The following JAM3 variants were observed in gnomAD, a reference collection of about 807,000 sequenced individuals.
The protein encoded by JAM3 is junctional adhesion molecule C.
In JAM3, 31 loss-of-function variants were observed where a neutral mutation model predicts 39.4. That is an observed-to-expected ratio of 0.79 (90% CI 0.59 to 1.06). JAM3 has a LOEUF of 1.06. JAM3 is among the 50% of genes least tolerant of loss of function. The pLI is 0.00. For synonymous variants in JAM3, 182 were observed against 148.7 expected, an observed-to-expected ratio of 1.22 and a Z score of -1.63; for missense variants, 455 against 391.4, an observed-to-expected ratio of 1.16 and a Z score of -1.37.
Position 134,140,718 on chromosome 11 carries a change from G to T in JAM3, c.204G>T (p.Lys68Asn). The T allele has an allele frequency of 6.2e-7, 1 of 1,613,712 alleles. No individual in the cohort carries two copies. The highest frequency in any genetic ancestry group is 1.1e-5 in the South Asian group (1 of 91,054). The change falls in exon 3 of 9, where the codon AAG (lysine) becomes AAT (asparagine). Residue 68 changes from lysine to asparagine, a missense_variant. Coordinates refer to ENST00000299106, the MANE Select transcript of JAM3 (RefSeq NM_032801.5). ...CAAGTGACCCCAGGATCGAGTGGAA[G>T]AAAATTCAAGATGAACAAACCACAT... ...SQTSDPRIEW[K>N]KIQDEQTTYV... is the part of the protein sequence containing the mutation.
intron 1 of JAM3, among the ~76,000 whole-genome samples, chr11:134,075,287 G>T (rs1204880610): frequency 6.6e-6 from 1 of 152,102 alleles, no homozygotes; most frequent in East Asian, 1.9e-4. Flanking sequence ...AAAAGGAGCT[G>T]GACTTGTACA....
intron 1 of JAM3, 86 bp downstream of exon 1, chr11:134,069,245 G>A (rs748292767): frequency 1.3e-6 from 2 of 1,527,104 alleles, no homozygotes; most frequent in East Asian, 2.4e-5. Context: ...AGCCGGTCCG[G>A]GCGAGGATAG....
intron 1 of JAM3, among the ~76,000 whole-genome samples, chr11:134,134,398 C>CAAAAAAAAAAAAAAAAAAAAAAA (rs34729848): frequency 3.8e-4 from 12 of 31,922 alleles, no homozygotes; most frequent in African/African-American, 6.3e-4. Flanking sequence ...GGATAAATGC[C>CAAAAAAAAAAAAAAAAAAAAAAA]AAAAAAAAAA....
intron 1 of JAM3, among the ~76,000 whole-genome samples, chr11:134,105,362 TAAG>T (rs1942163826): frequency 6.6e-6 from 1 of 152,118 alleles, no homozygotes. Flanking sequence ...CTCAAAATAA[TAAG>T]AGTTATTTAT....
Position 134,151,844 on chromosome 11 carries a change from T to TATCA in JAM3, c.*2668_*2671dup, listed in dbSNP as rs10665918. The TATCA allele has an allele frequency of 0.3, 45,179 of 151,858 alleles. 7,902 individuals are homozygous for TATCA. The highest frequency in any genetic ancestry group is 0.59 in the East Asian group (3,009 of 5,110). The allele number at this position is 151,858 out of a possible 1,614,324, so 9.4% of individuals were successfully genotyped here. On this transcript the variant is annotated 3_prime_UTR_variant, in exon 9 of 9. Transcript: ENST00000299106. The stretch of plus-strand genomic sequence containing the variant: ...GGTTAGGCATGCACACTAAAAATGC[T>TATCA]ATCAATCACCCATCCACCAGGGAAG...
intron 1 of JAM3, among the ~76,000 whole-genome samples, chr11:134,133,201 G>A (rs981082698): frequency 1.3e-5 from 2 of 152,206 alleles, no homozygotes; most frequent in Admixed American, 6.5e-5. Context: ...TGTGGAATAT[G>A]TAGGGTTTTC....
At chr11:134,104,481 A>T (rs1942142024) in intron 1 of JAM3, among the ~76,000 whole-genome samples, 1 of 152,224 alleles carries the variant, frequency 6.6e-6, no homozygotes, top group African/African-American at 2.4e-5. Context: ...TTCAAAAGCT[A>T]GCAGAAGGCA....
intron 1 of JAM3, among the ~76,000 whole-genome samples, chr11:134,132,427 G>GAGAC (rs1942786857): frequency 6.6e-6 from 1 of 152,110 alleles, no homozygotes. Context: ...ATATGAAAGG[G>GAGAC]AGACCCGCAG....
intron 1 of JAM3, among the ~76,000 whole-genome samples, chr11:134,103,559 C>T (rs12277151): frequency 0.067 from 10,154 of 152,248 alleles, 365 homozygotes; most frequent in Middle Eastern, 0.1. Flanking sequence ...TTAAAAGACA[C>T]AGTCTGGCAA....
chr11:134,099,764 G>T (rs529657881), intron 1 of JAM3, among the ~76,000 whole-genome samples: 3 of 152,050 alleles, frequency 2.0e-5, no homozygotes, highest in Admixed American at 6.6e-5. Flanking sequence ...GCGCCACCAC[G>T]CCTGGCTAAT....
intron 1 of JAM3, among the ~76,000 whole-genome samples, chr11:134,112,679 C>G (rs1357972009): frequency 6.6e-6 from 1 of 152,118 alleles, no homozygotes; most frequent in Non-Finnish European, 1.5e-5. Flanking sequence ...CAATTATAGA[C>G]AAGGAAACTC....
intron 1 of JAM3, among the ~76,000 whole-genome samples, chr11:134,092,899 C>G (rs1941897693): frequency 6.7e-6 from 1 of 148,292 alleles, no homozygotes; most frequent in South Asian, 2.2e-4. Flanking sequence ...CTGAACCCTC[C>G]TTATTCATCA....
At chr11:134,071,450 CTA>C (rs1244686714) in intron 1 of JAM3, among the ~76,000 whole-genome samples, 7 of 152,210 alleles carry the variant, frequency 4.6e-5, no homozygotes, top group African/African-American at 9.6e-5. Flanking sequence ...GTTTTCAACA[CTA>C]TGTGGTTTGT....
At chr11:134,110,689 G>C (rs1297681911) in intron 1 of JAM3, among the ~76,000 whole-genome samples, 1 of 151,334 alleles carries the variant, frequency 6.6e-6, no homozygotes, top group East Asian at 1.9e-4. Flanking sequence ...GGAGCATTAG[G>C]AAACTTTTGA....
intron 1 of JAM3, among the ~76,000 whole-genome samples, chr11:134,106,094 A>G (rs1942179940): frequency 6.6e-6 from 1 of 152,212 alleles, no homozygotes; most frequent in Non-Finnish European, 1.5e-5. Context: ...CCTGACTTCA[A>G]ACTATACTAC....
chr11:134,112,181 G>A (rs1942325716), intron 1 of JAM3, among the ~76,000 whole-genome samples: 1 of 152,100 alleles, frequency 6.6e-6, no homozygotes, highest in South Asian at 2.1e-4. Context: ...CTGCCTCCCG[G>A]GTTCAAGGAA....
intron 1 of JAM3, among the ~76,000 whole-genome samples, chr11:134,115,324 C>T (rs1942406066): frequency 6.6e-6 from 1 of 152,018 alleles, no homozygotes; most frequent in African/African-American, 2.4e-5. Context: ...CAATATATGC[C>T]ATTTAATTGG....
rs759580323 is a variant in JAM3, at chr11:134,144,230, C to T, written c.257-11C>T. ...AAAGAAGTTTTTTAGTGCCTCGTGT[C>T]TTTTCTGTAGGAGACTTGGCGGGTC... On this transcript the variant is annotated splice_polypyrimidine_tract_variant and intron_variant, in intron 3 of 8. Coordinates refer to ENST00000299106, the MANE Select transcript of JAM3 (RefSeq NM_032801.5). The T allele has an allele frequency of 1.2e-6, 2 of 1,614,006 alleles. No individual in the cohort carries two copies. The highest frequency in any genetic ancestry group is 2.2e-5 in the East Asian group (1 of 44,894).
intron 1 of JAM3, among the ~76,000 whole-genome samples, chr11:134,117,384 A>AAAAG (rs71479594): frequency 1.3e-5 from 2 of 151,512 alleles, no homozygotes; most frequent in African/African-American, 4.9e-5. Flanking sequence ...CATCTCAAAA[A>AAAAG]AAGAAAAACA....
Sources: gnomAD v4.1 joint callset for allele counts (sites outside exome capture counted in the v4.1 genomes callset) on GRCh38, gnomAD v4.1.1 for gene constraint, MANE v1.5 for transcripts, NCBI Gene and HGNC (gene_info 2026-07-23, HGNC 2026-07-21) for gene names.